CFAP47: variants seen among roughly 807,000 people sequenced by gnomAD.
CFAP47 encodes the protein cilia- and flagella-associated protein 47.
Under a neutral mutation model 148.1 loss-of-function variants are expected in CFAP47, and 29 were observed. The ratio of observed to expected loss-of-function variants is 0.20; its 90% confidence interval spans 0.15 to 0.27. The LOEUF is 0.27. CFAP47 is among the 10% of genes least tolerant of loss of function. CFAP47 has a pLI of 1.00. For synonymous variants in CFAP47, 664 were observed against 577.3 expected (o/e 1.15, Z -2.15); for missense variants, 1,872 against 1,697.5 (o/e 1.10, Z -1.81).
At chrX:36,097,373 A>G (rs1048719496) in intron 30 of CFAP47, among the ~76,000 whole-genome samples, 2 of 110,912 alleles carry the variant, frequency 1.8e-5, no homozygotes, top group Non-Finnish European at 3.8e-5. Context: ...ATGGTTTATT[A>G]TTGTCCTTTT....
At position 36,101,817 on chromosome X, in the gene CFAP47, T is replaced by C. The variant is rs1007894752; in HGVS notation, c.5127+1938T>C. ...AGTCTCAAAAATACAGAGATTTTTA[T>C]GGACAAGTAAAAATGAACATTATGT... On this transcript the variant is annotated intron_variant, in intron 32 of 63. Coordinates refer to ENST00000378653, the MANE Select transcript of CFAP47 (RefSeq NM_001304548.2). 2.7e-5 allele frequency among the ~76,000 whole-genome samples: 3 copies of C among 111,915 alleles called. No homozygotes were observed. The Admixed American group carries it at 2.9e-4, about 11-fold the overall frequency.
At chrX:36,172,507 AG>A (rs1356959193) in intron 39 of CFAP47, among the ~76,000 whole-genome samples, 4 of 109,765 alleles carry the variant, frequency 3.6e-5, no homozygotes, top group Non-Finnish European at 5.7e-5. Context: ...TTTTAGCATG[AG>A]GGGTTGTTGA....
intron 48 of CFAP47, among the ~76,000 whole-genome samples, chrX:36,237,170 A>G (rs1555994888): frequency 8.9e-6 from 1 of 112,075 alleles, no homozygotes; most frequent in East Asian, 2.8e-4. Flanking sequence ...GTTTTCAAAA[A>G]TATTTAGAAA....
At chrX:36,378,247 G>C (rs2147005969) in intron 62 of CFAP47, among the ~76,000 whole-genome samples, 1 of 112,179 alleles carries the variant, frequency 8.9e-6, no homozygotes, top group South Asian at 3.7e-4. Flanking sequence ...TTGACATAAA[G>C]ATAGTCACTT....
intron 21 of CFAP47, among the ~76,000 whole-genome samples, chrX:36,011,806 T>G (rs1039637244): frequency 1.5e-4 from 17 of 112,100 alleles, no homozygotes; most frequent in Non-Finnish European, 2.3e-4. Context: ...GTAGGTTGCC[T>G]GTTCACTCTG....
At chrX:35,963,504 G>A (rs187162350) in intron 8 of CFAP47, among the ~76,000 whole-genome samples, 3 of 110,363 alleles carry the variant, frequency 2.7e-5, no homozygotes, top group African/African-American at 9.8e-5. Flanking sequence ...AAATTCTGGG[G>A]TACATGTGCA....
chrX:36,232,348 G>A (rs1485862493), intron 46 of CFAP47, among the ~76,000 whole-genome samples: 1 of 111,869 alleles, frequency 8.9e-6, no homozygotes, highest in Non-Finnish European at 1.9e-5. Context: ...TTGGGAGAGT[G>A]TATGTGTCAA....
rs1939670265 is a variant in CFAP47, at chrX:36,175,945, C to T, written c.6027-3400C>T. Among the ~76,000 whole-genome samples, 4 of 112,913 alleles carry T rather than the reference C, an allele frequency of 3.5e-5. No homozygotes were observed. The Admixed American group carries it at 3.7e-4, about 11-fold the overall frequency. ...GATCTCAGACTGCTGTGCTAGCAAT[C>T]AGCGAGACTCCGTGGGCGTAGGACC... On this transcript the variant is annotated intron_variant, in intron 39 of 63. Transcript: ENST00000378653.
intron 44 of CFAP47, 41 bp downstream of exon 44, chrX:36,201,541 T>C: frequency 3.4e-6 from 1 of 296,260 alleles, no homozygotes; most frequent in Non-Finnish European, 5.9e-6. Context: ...AATTACTCTC[T>C]CTTTAAAAAT....
At chrX:35,924,379 GCACACATATGTGTATATATGCA>G (rs1477667056) in intron 1 of CFAP47, among the ~76,000 whole-genome samples, 1 of 102,713 alleles carries the variant, frequency 9.7e-6, no homozygotes, top group East Asian at 3.0e-4. Context: ...GTGCATATAT[GCACACATATGTGTATATATGCA>G]CACACATATG....
At chrX:36,138,303 T>A in intron 34 of CFAP47, 45 bp from the exon 35 acceptor site, 2 of 1,062,535 alleles carry the variant, frequency 1.9e-6, no homozygotes, top group East Asian at 3.4e-5. Context: ...AAAAACAGAA[T>A]TTTTTATTCC....
chrX:36,180,612 AT>A (rs1198189884), intron 40 of CFAP47, among the ~76,000 whole-genome samples: 1 of 112,009 alleles, frequency 8.9e-6, no homozygotes, highest in Non-Finnish European at 1.9e-5. Flanking sequence ...TATAGTTTTT[AT>A]TTTTTCAAAA....
Position 36,144,969 on chromosome X carries a change from A to G in CFAP47, c.5536-250A>G, listed in dbSNP as rs776933563. On this transcript the variant is annotated intron_variant, in intron 35 of 63. Transcript: ENST00000378653. The stretch of plus-strand genomic sequence containing the variant: ...GCTTCTGGCTTCCCTGGGAGCCCCT[A>G]TTGGCTTCTGTCATTCTGCAGTTTG... 1.1e-4 allele frequency: 68 copies of G among 621,527 alleles called. 1 individual carries two copies. In the South Asian group the frequency reaches 1.6e-3, roughly 15 times the overall value. The allele number at this position is 621,527 out of a possible 1,213,427, so 51.2% of individuals were successfully genotyped here. A position where few individuals can be genotyped will look rare whatever the true frequency, so the allele number is the denominator to read the frequency against.
In CFAP47 at chrX:36,278,670, C is replaced by T. The variant is rs146013987; in HGVS notation, c.7445-1817C>T. ...AAATGCAGAAATCACCCGTCTTCTG[C>T]GTCGATCATGCTGGGAGCTGCAGAC... On this transcript the variant is annotated intron_variant, in intron 49 of 63. Transcript: ENST00000378653. Among the ~76,000 whole-genome samples the T allele has an allele frequency of 6.7e-3, 753 of 112,225 alleles. 5 individuals carry two copies. The highest frequency in any genetic ancestry group is 0.018 in the African/African-American group (545 of 30,923).
At chrX:36,206,755 T>A (rs2146886038) in intron 45 of CFAP47, among the ~76,000 whole-genome samples, 1 of 112,142 alleles carries the variant, frequency 8.9e-6, no homozygotes, top group African/African-American at 3.2e-5. Flanking sequence ...TTCAGATATT[T>A]TTCTAAGGCT....
intron 49 of CFAP47, among the ~76,000 whole-genome samples, chrX:36,273,928 G>A (rs1940986581): frequency 9.0e-6 from 1 of 111,690 alleles, no homozygotes; most frequent in Non-Finnish European, 1.9e-5. Context: ...GGTTTTTCAT[G>A]AGAAAAATAT....
intron 1 of CFAP47, among the ~76,000 whole-genome samples, chrX:35,921,399 G>A (rs999829854): frequency 2.7e-5 from 3 of 112,126 alleles, no homozygotes; most frequent in African/African-American, 9.7e-5. Flanking sequence ...ATTAAGGAAA[G>A]CCTGTGTTAT....
At chrX:36,163,920 A>AT (rs888661672) in intron 39 of CFAP47, among the ~76,000 whole-genome samples, 1 of 111,918 alleles carries the variant, frequency 8.9e-6, no homozygotes, top group African/African-American at 3.2e-5. Context: ...ATCTTAAATT[A>AT]TTTTTAATTT....
intron 42 of CFAP47, among the ~76,000 whole-genome samples, chrX:36,197,148 G>A (rs1444561817): frequency 8.9e-6 from 1 of 111,794 alleles, no homozygotes; most frequent in Non-Finnish European, 1.9e-5. Flanking sequence ...ATAATTTTTT[G>A]AGATATGGTA....
Sources: allele counts gnomAD v4.1 joint callset (sites outside exome capture counted in the v4.1 genomes callset), GRCh38; gene constraint gnomAD v4.1.1; transcripts MANE v1.5; gene names NCBI Gene and HGNC (gene_info 2026-07-23, HGNC 2026-07-21).